TPP2: variants seen among roughly 807,000 people sequenced by gnomAD.
TPP2 encodes tripeptidyl-peptidase 2.
In TPP2, 34 loss-of-function variants were observed where a neutral mutation model predicts 155.9. The ratio of observed to expected loss-of-function variants is 0.22; its 90% CI spans 0.17 to 0.29. TPP2 has a LOEUF of 0.29. TPP2 is among the 10% of genes least tolerant of loss of function. The pLI is 1.00. For missense variants in TPP2, 1,028 were observed against 1,522.3 expected (o/e 0.68, Z 5.40); for synonymous variants, 510 against 529.4 (o/e 0.96, Z 0.50).
chr13:102,628,579 C>A (rs1448935650), intron 8 of TPP2, among the ~76,000 whole-genome samples: 1 of 152,158 alleles, frequency 6.6e-6, no homozygotes, highest in African/African-American at 2.4e-5. Context: ...CATTGTCTTT[C>A]TGCTGCCAAA....
chr13:102,646,485 T>C, intron 20 of TPP2, 95 bp downstream of exon 20: 1 of 804,574 alleles, frequency 1.2e-6, no homozygotes. Flanking sequence ...GTGTATATGG[T>C]ATATATAAAA....
intron 16 of TPP2, 91 bp downstream of exon 16, chr13:102,640,467 T>G: frequency 1.0e-6 from 1 of 973,362 alleles, no homozygotes; most frequent in East Asian, 2.6e-5. Flanking sequence ...GTAGCATGTA[T>G]TTCCCTGGTA....
intron 9 of TPP2, 29 bp from the exon 10 acceptor site, chr13:102,630,066 CT>C: frequency 6.3e-7 from 1 of 1,595,492 alleles, no homozygotes; most frequent in Non-Finnish European, 8.6e-7. Flanking sequence ...CGTTTGTTTT[CT>C]TTTCTTAATG....
intron 2 of TPP2, among the ~76,000 whole-genome samples, chr13:102,609,635 G>C (rs1880120767): frequency 6.6e-6 from 1 of 151,990 alleles, no homozygotes; most frequent in Non-Finnish European, 1.5e-5. Flanking sequence ...GACCTCAGGT[G>C]ATCTACCTGC....
chr13:102,675,592 T>A (rs1885235174), intron 28 of TPP2, among the ~76,000 whole-genome samples: 1 of 152,212 alleles, frequency 6.6e-6, no homozygotes, highest in African/African-American at 2.4e-5. Context: ...AGAACCTGCT[T>A]TCTGTCTTTG....
At chr13:102,612,464 AT>A (rs1212687415) in intron 2 of TPP2, among the ~76,000 whole-genome samples, 1 of 152,242 alleles carries the variant, frequency 6.6e-6, no homozygotes, top group African/African-American at 2.4e-5. Flanking sequence ...TATTAGAACC[AT>A]TTTTAAGATA....
At position 102,649,102 on chromosome 13, in the gene TPP2, C is replaced by A. The variant is rs1356836216; in HGVS notation, c.2824C>A (p.Pro942Thr). 6.2e-7 allele frequency: 1 copy of A among 1,612,838 alleles called. No individual in the cohort carries two copies. Among genetic ancestry groups the A allele is most frequent in the East Asian group, 2.2e-5 (1 of 44,838 alleles). Residue 942 changes from proline (P) to threonine (T), a missense_variant, in exon 22 of 30, where the codon CCA becomes ACA. By Grantham distance (38) the Pro-to-Thr change is conservative (BLOSUM62 -1). Transcript: ENST00000376052. Reference sequence around the variant, plus strand: ...GAAGAAATCAAGCAATTTGACATTACCACCCAAATATAACCAGCCATTCTT... The same window carrying A: ...GAAGAAATCAAGCAATTTGACATTAACACCCAAATATAACCAGCCATTCTT... ...GKKKSSNLTL[P>T]PKYNQPFFVT...
At position 102,636,241 on chromosome 13, in the gene TPP2, C is replaced by A; in HGVS notation, c.1527C>A (p.Asp509Glu). The A allele has an allele frequency of 6.2e-7, 1 of 1,611,628 alleles. No individual in the cohort carries two copies. The highest frequency in any genetic ancestry group is 1.1e-5 in the South Asian group (1 of 90,562). ...TTCACTAGGTTGATAAAGCCTATGA[C>A]TACCTCGTTCAGAATACATCATTTG... ...HGIIQVDKAY[D>E]YLVQNTSFAN... The change falls in exon 13 of 30, where the codon GAC becomes GAA. Residue 509 changes from aspartate to glutamate, a missense_variant. Coordinates refer to ENST00000376052, the MANE Select transcript of TPP2 (RefSeq NM_001330588.2).
chr13:102,605,083 G>A (rs1489901802), intron 2 of TPP2, among the ~76,000 whole-genome samples, 162 bp downstream of exon 2: 2 of 151,976 alleles, frequency 1.3e-5, no homozygotes, highest in African/African-American at 4.8e-5. Flanking sequence ...TTATTACCTC[G>A]GAGTTTCTGT....
chr13:102,645,009 G>A lies in TPP2; in HGVS notation c.2393G>A (p.Arg798His), dbSNP rs1218590891. ...TTGAAGAACTGGGTCCAAACACTGC[G>A]GTATCATTCAATGTTTTAGGAACTA... ...ITLKNWVQTL[R>H]PVSAKTKPLG... Residue 798 changes from arginine (R) to histidine (H), a missense_variant and splice_region_variant, in exon 19 of 30, where the codon CGC becomes CAC. This residue lies in a region of TPP2 where 325 missense variants were observed against 463.7 expected (regional missense o/e 0.70). Transcript: ENST00000376052. 1 of 1,612,752 alleles carries A rather than the reference G, an allele frequency of 6.2e-7. No homozygotes were observed. The highest frequency in any genetic ancestry group is 8.5e-7 in the Non-Finnish European group (1 of 1,179,300).
intron 2 of TPP2, chr13:102,607,581 CATTT>C (rs2139420781): frequency 7.7e-6 from 3 of 391,798 alleles, no homozygotes; most frequent in East Asian, 8.8e-5. Context: ...ATTACTCGAG[CATTT>C]ATTTATTTAT....
rs181719976 is a variant in TPP2, at chr13:102,628,594, G to A, written c.1016+670G>A. Among the ~76,000 whole-genome samples, 762 of 152,164 alleles carry A rather than the reference G, an allele frequency of 5.0e-3. 5 individuals are homozygous for A. The highest frequency in any genetic ancestry group is 0.037 in the Middle Eastern group (11 of 294). On this transcript the variant is annotated intron_variant, in intron 8 of 29. Coordinates refer to ENST00000376052, the MANE Select transcript of TPP2 (RefSeq NM_001330588.2). ...CATTGTCTTTCTGCTGCCAAATCCAGTGTCATGGCCTTGACCTAATGTTAC... is the reference window on the plus strand; with the variant it reads ...CATTGTCTTTCTGCTGCCAAATCCAATGTCATGGCCTTGACCTAATGTTAC...
chr13:102,614,819 A>G (rs974049531), intron 3 of TPP2, among the ~76,000 whole-genome samples: 3 of 152,236 alleles, frequency 2.0e-5, no homozygotes, highest in South Asian at 2.1e-4. Flanking sequence ...TCTAACCATT[A>G]TGGTAGTCAC....
rs546723994 is a variant in TPP2 at position 102,672,307 on chromosome 13, A to G, written c.3372-1976A>G. ...CAAACACAATTTGTGGGTAACAAAC[A>G]TTGTCGACCCCCCAAGTAGAAAGCA... On this transcript the variant is annotated intron_variant, in intron 27 of 29. Transcript: ENST00000376052. Among the ~76,000 whole-genome samples, 5 of 152,272 alleles carry G rather than the reference A, an allele frequency of 3.3e-5. No individual in the cohort carries two copies. In the East Asian group the frequency reaches 9.7e-4, roughly 29 times the overall value.
chr13:102,678,341 TA>T lies in TPP2; in HGVS notation c.*31del. On this transcript the variant is annotated 3_prime_UTR_variant, in exon 30 of 30. Coordinates refer to ENST00000376052, the MANE Select transcript of TPP2 (RefSeq NM_001330588.2). The stretch of plus-strand genomic sequence containing the variant: ...AAATAGGAAACAAGACTTTAAATTT[TA>T]AAAAAGGAAGTTTTATAGTGAATGG... The T allele has an allele frequency of 6.3e-7, 1 of 1,595,172 alleles. No homozygotes were observed. The highest frequency in any genetic ancestry group is 8.5e-7 in the Non-Finnish European group (1 of 1,174,034).
At chr13:102,666,766 C>CTTTTTTTTTTTTTTTTTTTTT in intron 27 of TPP2, among the ~76,000 whole-genome samples, 11 of 55,730 alleles carry the variant, frequency 2.0e-4, no homozygotes, top group Admixed American at 2.5e-4. Context: ...TTTTTAATCT[C>CTTTTTTTTTTTTTTTTTTTTT]TTTTTTTTTT....
chr13:102,597,050 T>A lies in TPP2; in HGVS notation c.12T>A (p.Ala4=), dbSNP rs763497812. The change falls in exon 1 of 30, where the codon GCT becomes GCA. Residue 4 remains alanine (A), a synonymous_variant. Coordinates refer to ENST00000376052, the MANE Select transcript of TPP2 (RefSeq NM_001330588.2). Reference sequence around the variant, plus strand: ...TCCATCCTGCGTCCATGGCCACCGCTGCGACTGAGGAGCCCTTCCCTTTTC... The same window carrying A: ...TCCATCCTGCGTCCATGGCCACCGCAGCGACTGAGGAGCCCTTCCCTTTTC... MAT[A]ATEEPFPFHG... 34 of 1,611,716 alleles carry A rather than the reference T, an allele frequency of 2.1e-5. No homozygotes were observed. In the Admixed American group the frequency reaches 5.7e-4, roughly 27 times the overall value.
At chr13:102,612,352 A>G (rs140938677) in intron 2 of TPP2, among the ~76,000 whole-genome samples, 2 of 152,208 alleles carry the variant, frequency 1.3e-5, no homozygotes, top group Non-Finnish European at 2.9e-5. Context: ...TTTGTTAGGC[A>G]TCCTCTCTTT....
intron 17 of TPP2, among the ~76,000 whole-genome samples, chr13:102,644,317 G>C (rs1882956723): frequency 6.6e-6 from 1 of 152,034 alleles, no homozygotes. Flanking sequence ...AAGCTGCCTA[G>C]GATCTTTTAT....
Sources: allele counts gnomAD v4.1 joint callset (sites outside exome capture counted in the v4.1 genomes callset), GRCh38; gene constraint gnomAD v4.1.1; regional missense constraint gnomAD v4.1.1; transcripts MANE v1.5; gene names NCBI Gene and HGNC (gene_info 2026-07-23, HGNC 2026-07-21).